Variants in RFX4 observed in about 807,000 individuals in gnomAD.
RFX4 encodes the protein regulatory factor X4.
A neutral mutation model predicts 95.0 loss-of-function variants in RFX4; 10 were observed. The ratio of observed to expected loss-of-function variants is 0.11; its 90% CI spans 0.06 to 0.18. RFX4 has a LOEUF of 0.18. Among genes scored for constraint, RFX4 ranks in the 10% least tolerant of loss-of-function variants. RFX4 has a pLI of 1.00. For missense variants in RFX4, 640 were observed against 922.0 expected (o/e 0.69, Z 3.96); for synonymous variants, 321 against 340.7 (o/e 0.94, Z 0.64).
At chr12:106,687,147 CTCTCTCTCTCTCTGTCTCTA>C (rs758403431) in intron 6 of RFX4, 50 bp downstream of exon 6, 1 of 948,476 alleles carries the variant, frequency 1.1e-6, no homozygotes, top group Non-Finnish European at 1.5e-6. Context: ...CTCTCTCTTT[CTCTCTCTCTCTCTGTCTCTA>C]TCTCTCTCTC....
At chr12:106,687,704 T>C (rs575896348) in intron 6 of RFX4, among the ~76,000 whole-genome samples, 18 of 152,340 alleles carry the variant, frequency 1.2e-4, no homozygotes, top group African/African-American at 4.3e-4. Flanking sequence ...CAGTACTATC[T>C]TTACAACTTT....
chr12:106,676,954 G>A (rs920668057), intron 4 of RFX4, among the ~76,000 whole-genome samples: 2 of 152,184 alleles, frequency 1.3e-5, no homozygotes, highest in Non-Finnish European at 2.9e-5. Context: ...TGTTAAGTTG[G>A]ACTGGATGCA....
intron 15 of RFX4, among the ~76,000 whole-genome samples, chr12:106,746,028 A>T (rs2137603262): frequency 6.6e-6 from 1 of 152,168 alleles, no homozygotes; most frequent in Non-Finnish European, 1.5e-5. Context: ...GGAGTTCAAG[A>T]CCAGCCTGGG....
At chr12:106,737,577 T>C (rs2042736577) in intron 15 of RFX4, among the ~76,000 whole-genome samples, 1 of 152,138 alleles carries the variant, frequency 6.6e-6, no homozygotes, top group Non-Finnish European at 1.5e-5. Flanking sequence ...TTTGATTAAT[T>C]CCTTCCCCAA....
At chr12:106,732,792 T>C (rs2042637854) in intron 14 of RFX4, 132 bp from the exon 15 acceptor site, 2 of 797,212 alleles carry the variant, frequency 2.5e-6, no homozygotes, top group Non-Finnish European at 3.9e-6. Flanking sequence ...ATGATGGTGA[T>C]GGGAAACCAT....
intron 4 of RFX4, among the ~76,000 whole-genome samples, chr12:106,678,463 G>T (rs1279936513): frequency 1.3e-5 from 2 of 152,030 alleles, no homozygotes; most frequent in Admixed American, 6.6e-5. Context: ...AATAGGAAAT[G>T]ATTTATGTTT....
At chr12:106,719,418 G>A (rs554909117) in intron 11 of RFX4, among the ~76,000 whole-genome samples, 1 of 152,270 alleles carries the variant, frequency 6.6e-6, no homozygotes, top group African/African-American at 2.4e-5. Flanking sequence ...AGAATTTGTT[G>A]GGTAACAACT....
chr12:106,609,799 T>C (rs868627631), intron 2 of RFX4, among the ~76,000 whole-genome samples: 32 of 152,154 alleles, frequency 2.1e-4, no homozygotes, highest in Non-Finnish European at 3.7e-4. Context: ...AAAAAAGATA[T>C]AGAACCTTTC....
At chr12:106,685,074 G>A (rs560705675) in intron 5 of RFX4, among the ~76,000 whole-genome samples, 20 of 152,194 alleles carry the variant, frequency 1.3e-4, no homozygotes, top group Admixed American at 4.6e-4. Flanking sequence ...TATGTTGTGC[G>A]GTGTTTCTGA....
chr12:106,599,575 C>G (rs2039670190), intron 1 of RFX4, among the ~76,000 whole-genome samples: 1 of 152,084 alleles, frequency 6.6e-6, no homozygotes, highest in African/African-American at 2.4e-5. Flanking sequence ...ATCTCAGGCT[C>G]ACCTGTGTCC....
chr12:106,734,595 C>CAAA (rs34486302), intron 15 of RFX4, among the ~76,000 whole-genome samples: 1 of 138,740 alleles, frequency 7.2e-6, no homozygotes. Context: ...GACTCCATCT[C>CAAA]AAAAAAAAAA....
At chr12:106,748,757 T>C (rs371277596) in intron 16 of RFX4, among the ~76,000 whole-genome samples, 1 of 151,206 alleles carries the variant, frequency 6.6e-6, no homozygotes, top group African/African-American at 2.4e-5. Context: ...GAGACCAGCC[T>C]GGCTAACATG....
intron 2 of RFX4, among the ~76,000 whole-genome samples, chr12:106,613,008 T>C (rs901594005): frequency 2.0e-5 from 3 of 152,092 alleles, no homozygotes; most frequent in African/African-American, 2.4e-5. Flanking sequence ...TTCCTGATTC[T>C]AGAGAAAAAG....
At chr12:106,756,735 G>A (rs2043114818) in intron 17 of RFX4, among the ~76,000 whole-genome samples, 1 of 152,164 alleles carries the variant, frequency 6.6e-6, no homozygotes, top group Non-Finnish European at 1.5e-5. Flanking sequence ...TGAGGGTCAA[G>A]TGAGTTAATA....
intron 2 of RFX4, among the ~76,000 whole-genome samples, chr12:106,620,999 G>A (rs1196540187): frequency 6.6e-6 from 1 of 152,034 alleles, no homozygotes; most frequent in African/African-American, 2.4e-5. Context: ...CAGACCTTAT[G>A]GTTGTCTTCC....
chr12:106,691,545 A>ACC (rs1236471180), intron 7 of RFX4, among the ~76,000 whole-genome samples: 2 of 152,348 alleles, frequency 1.3e-5, no homozygotes, highest in African/African-American at 4.8e-5. Context: ...TCATTGGTAA[A>ACC]TGGATGGTGG....
intron 2 of RFX4, among the ~76,000 whole-genome samples, chr12:106,632,392 A>G (rs1208839445): frequency 1.3e-5 from 2 of 152,158 alleles, no homozygotes; most frequent in Non-Finnish European, 2.9e-5. Flanking sequence ...GCCTAAAATG[A>G]TACTTTACAG....
Position 106,733,014 on chromosome 12 carries a change from C to A in RFX4, c.1562C>A (p.Ser521Tyr). The A allele has an allele frequency of 6.2e-7, 1 of 1,614,214 alleles. No individual in the cohort carries two copies. The highest frequency in any genetic ancestry group is 8.5e-7 in the Non-Finnish European group (1 of 1,180,036). ...PSFSPAKSAT[S>Y]VEVPPPSSPV... ...TTTTCTCCAGCAAAATCTGCCACAT[C>A]TGTGGAAGTGCCACCTCCCTCTTCC... Residue 521 changes from serine to tyrosine, a missense_variant, in exon 15 of 18, where the codon TCT becomes TAT. Ser to Tyr is a moderately radical substitution (Grantham distance 144, BLOSUM62 -2). Coordinates refer to ENST00000392842, the MANE Select transcript of RFX4 (RefSeq NM_213594.3).
At chr12:106,729,713 G>A (rs1409874073) in intron 13 of RFX4, among the ~76,000 whole-genome samples, 1 of 152,198 alleles carries the variant, frequency 6.6e-6, no homozygotes, top group Non-Finnish European at 1.5e-5. Context: ...AGAGGCAGAG[G>A]TCAATAAATG....
Sources: gnomAD v4.1 joint callset for allele counts (sites outside exome capture counted in the v4.1 genomes callset) on GRCh38, gnomAD v4.1.1 for gene constraint, MANE v1.5 for transcripts, NCBI Gene and HGNC (gene_info 2026-07-23, HGNC 2026-07-21) for gene names.